Variants in CNTNAP2 observed in about 807,000 individuals in gnomAD.
The protein encoded by CNTNAP2 is contactin-associated protein-like 2.
CNTNAP2 carries 98 observed loss-of-function variants against 155.2 expected under a neutral mutation model. That is an observed-to-expected ratio of 0.63 (90% CI 0.54 to 0.75). The LOEUF (loss-of-function observed/expected upper bound fraction) is 0.75. Among genes scored for constraint, CNTNAP2 ranks in the 30% least tolerant of loss-of-function variants. The pLI, the probability that CNTNAP2 is intolerant of heterozygous loss-of-function variation, is 0.00. For missense variants in CNTNAP2, 1,727 were observed against 1,688.1 expected, an observed-to-expected ratio of 1.02 and a Z score of -0.40; for synonymous variants, 651 against 631.2, an observed-to-expected ratio of 1.03 and a Z score of -0.47.
Position 148,177,001 on chromosome 7 carries a change from C to A in CNTNAP2, c.3010+4523C>A, listed in dbSNP as rs185528454. Among the ~76,000 whole-genome samples the A allele has an allele frequency of 2.0e-3, 302 of 152,320 alleles. 1 individual carries two copies. The highest frequency in any genetic ancestry group is 3.5e-3 in the Non-Finnish European group (241 of 68,030). On this transcript the variant is annotated intron_variant, in intron 18 of 23. Coordinates refer to ENST00000361727, the MANE Select transcript of CNTNAP2 (RefSeq NM_014141.6). Reference sequence around the variant, plus strand: ...AAGAATTCTATAATTATCAATGTCACTTTTATTACTAACCAGAAATTAGAG... The same window carrying A: ...AAGAATTCTATAATTATCAATGTCAATTTTATTACTAACCAGAAATTAGAG...
chr7:146,839,625 T>C, intron 2 of CNTNAP2, 86 bp from the exon 3 acceptor site: 5 of 1,438,662 alleles, frequency 3.5e-6, no homozygotes, highest in Non-Finnish European at 4.8e-6. Context: ...CCAAGACCAA[T>C]TAAGATATGT....
intron 1 of CNTNAP2, among the ~76,000 whole-genome samples, chr7:146,736,905 T>C (rs1042104713): frequency 3.3e-5 from 5 of 152,152 alleles, no homozygotes; most frequent in Admixed American, 2.0e-4. Flanking sequence ...ATTAGAGATA[T>C]ATAATTTTAA....
intron 15 of CNTNAP2, among the ~76,000 whole-genome samples, chr7:147,997,703 G>A (rs1380361842): frequency 2.6e-5 from 4 of 152,174 alleles, no homozygotes; most frequent in Non-Finnish European, 5.9e-5. Flanking sequence ...GGGCTGCCGG[G>A]GAGGATGAGA....
intron 1 of CNTNAP2, among the ~76,000 whole-genome samples, chr7:146,360,626 G>A (rs547236107): frequency 2.1e-4 from 32 of 152,262 alleles, no homozygotes; most frequent in African/African-American, 7.5e-4. Context: ...GCTCTGAAAG[G>A]TACCTCTCAG....
At chr7:147,874,290 G>C (rs188487426) in intron 13 of CNTNAP2, among the ~76,000 whole-genome samples, 1 of 152,300 alleles carries the variant, frequency 6.6e-6, no homozygotes, top group African/African-American at 2.4e-5. Flanking sequence ...TCTCCATGAG[G>C]GGCCTGTGCC....
At chr7:147,981,090 G>A (rs1303522106) in intron 15 of CNTNAP2, among the ~76,000 whole-genome samples, 1 of 152,118 alleles carries the variant, frequency 6.6e-6, no homozygotes, top group Non-Finnish European at 1.5e-5. Flanking sequence ...TAGTCTTTCT[G>A]CCTTACAAAT....
intron 15 of CNTNAP2, among the ~76,000 whole-genome samples, chr7:147,985,144 A>AAAT (rs1401760373): frequency 6.0e-5 from 9 of 150,334 alleles, no homozygotes; most frequent in Non-Finnish European, 1.5e-5. Context: ...ATAAATAAAT[A>AAAT]AATAACTATT....
At chr7:147,218,393 C>G (rs185929782) in intron 8 of CNTNAP2, among the ~76,000 whole-genome samples, 1 of 151,450 alleles carries the variant, frequency 6.6e-6, no homozygotes, top group Admixed American at 6.6e-5. Flanking sequence ...TCATTTTACC[C>G]ATGTGTTATT....
chr7:147,852,290 C>T (rs1397598862), intron 13 of CNTNAP2, among the ~76,000 whole-genome samples: 1 of 152,214 alleles, frequency 6.6e-6, no homozygotes, highest in African/African-American at 2.4e-5. Flanking sequence ...TTTCCATCCA[C>T]TCTTCCTATT....
chr7:146,645,619 T>C (rs916127276), intron 1 of CNTNAP2, among the ~76,000 whole-genome samples: 1 of 152,156 alleles, frequency 6.6e-6, no homozygotes, highest in Non-Finnish European at 1.5e-5. Context: ...TGCATAACTG[T>C]ATTCTTTTTA....
intron 13 of CNTNAP2, among the ~76,000 whole-genome samples, chr7:147,654,245 A>C (rs1795492262): frequency 6.6e-6 from 1 of 152,244 alleles, no homozygotes; most frequent in Non-Finnish European, 1.5e-5. Flanking sequence ...AGATGGCCAA[A>C]AGGTAGATTA....
chr7:146,155,151 T>G lies in CNTNAP2; in HGVS notation c.97+38178T>G, dbSNP rs138404617. ...TTTGTGAAAAGATACAAAGCTCCTATGTGGTCAGACTGGAATTTTAATCTA... is the reference window on the plus strand; with the variant it reads ...TTTGTGAAAAGATACAAAGCTCCTAGGTGGTCAGACTGGAATTTTAATCTA... On this transcript the variant is annotated intron_variant, in intron 1 of 23. Transcript: ENST00000361727. Among the ~76,000 whole-genome samples the G allele has an allele frequency of 5.3e-3, 800 of 152,324 alleles. 6 individuals carry two copies. The highest frequency in any genetic ancestry group is 0.018 in the African/African-American group (758 of 41,586).
At chr7:147,342,724 C>T (rs1001333083) in intron 9 of CNTNAP2, among the ~76,000 whole-genome samples, 1 of 151,576 alleles carries the variant, frequency 6.6e-6, no homozygotes, top group African/African-American at 2.4e-5. Flanking sequence ...GCAGCAGCAA[C>T]AAAAAGAGAC....
At chr7:146,978,439 C>G (rs571161122) in intron 3 of CNTNAP2, among the ~76,000 whole-genome samples, 1 of 152,062 alleles carries the variant, frequency 6.6e-6, no homozygotes, top group Admixed American at 6.6e-5. Context: ...AATGACATTT[C>G]CAGGAGTTGG....
chr7:147,446,601 A>G (rs949329689), intron 10 of CNTNAP2, among the ~76,000 whole-genome samples: 2 of 152,198 alleles, frequency 1.3e-5, no homozygotes, highest in African/African-American at 4.8e-5. Context: ...TATCTTCCTT[A>G]CAATTAGAAG....
At chr7:148,220,534 TTAA>T (rs1474493662) in intron 19 of CNTNAP2, among the ~76,000 whole-genome samples, 2 of 152,194 alleles carry the variant, frequency 1.3e-5, no homozygotes, top group Non-Finnish European at 2.9e-5. Flanking sequence ...TGAATCGTGA[TTAA>T]TGATATGGGG....
At chr7:146,718,131 C>T (rs568250350) in intron 1 of CNTNAP2, among the ~76,000 whole-genome samples, 29 of 152,198 alleles carry the variant, frequency 1.9e-4, no homozygotes, top group African/African-American at 6.7e-4. Context: ...ATTCTATATG[C>T]TAGTCGATTT....
chr7:147,006,760 C>T (rs1798532166), intron 3 of CNTNAP2, among the ~76,000 whole-genome samples: 1 of 152,038 alleles, frequency 6.6e-6, no homozygotes, highest in Non-Finnish European at 1.5e-5. Flanking sequence ...ACATGAGGCT[C>T]CTGTCATTTT....
chr7:147,531,973 AT>A (rs1219481718), intron 11 of CNTNAP2, among the ~76,000 whole-genome samples: 1 of 151,378 alleles, frequency 6.6e-6, no homozygotes, highest in Non-Finnish European at 1.5e-5. Flanking sequence ...TGTCCGACTA[AT>A]TTTTTTGTAT....
Sources: gnomAD v4.1 joint callset for allele counts (sites outside exome capture counted in the v4.1 genomes callset) on GRCh38, gnomAD v4.1.1 for gene constraint, MANE v1.5 for transcripts, NCBI Gene and HGNC (gene_info 2026-07-23, HGNC 2026-07-21) for gene names.